Variants in IL1RAPL2 observed in about 807,000 individuals in gnomAD.
IL1RAPL2 encodes X-linked interleukin-1 receptor accessory protein-like 2.
In IL1RAPL2, 3 loss-of-function variants were observed where a neutral mutation model predicts 44.1. The ratio of observed to expected loss-of-function variants is 0.07; its 90% CI spans 0.03 to 0.18. The LOEUF (loss-of-function observed/expected upper bound fraction) is 0.18. Among genes scored for constraint, IL1RAPL2 ranks in the 10% least tolerant of loss-of-function variants. The pLI, the probability that IL1RAPL2 is intolerant of heterozygous loss-of-function variation, is 1.00. For synonymous variants in IL1RAPL2, 181 were observed against 178.8 expected (o/e 1.01, Z -0.10); for missense variants, 391 against 496.4 (o/e 0.79, Z 2.02).
intron 2 of IL1RAPL2, among the ~76,000 whole-genome samples, chrX:104,924,935 A>T (rs1368368455): frequency 1.8e-5 from 2 of 110,783 alleles, no homozygotes; most frequent in African/African-American, 6.6e-5. Flanking sequence ...GAAAAAACAA[A>T]ATTGATCCAC....
At chrX:104,627,643 G>T (rs945842670) in intron 1 of IL1RAPL2, among the ~76,000 whole-genome samples, 6 of 110,844 alleles carry the variant, frequency 5.4e-5, no homozygotes, top group African/African-American at 1.6e-4. Context: ...TTGTGAAAAA[G>T]GACCCCCTCC....
intron 5 of IL1RAPL2, among the ~76,000 whole-genome samples, chrX:105,414,344 T>A (rs909369368): frequency 9.0e-6 from 1 of 111,291 alleles, no homozygotes; most frequent in Middle Eastern, 4.7e-3. Context: ...GCCCGGCTGG[T>A]CTCACACTCC....
intron 2 of IL1RAPL2, among the ~76,000 whole-genome samples, chrX:104,992,087 A>C (rs937453363): frequency 1.6e-4 from 18 of 111,325 alleles, no homozygotes; most frequent in African/African-American, 4.9e-4. Flanking sequence ...AGTTTTGCTA[A>C]AAATGAGAGT....
intron 1 of IL1RAPL2, among the ~76,000 whole-genome samples, chrX:104,585,635 C>T (rs747764328): frequency 2.9e-5 from 3 of 101,737 alleles, no homozygotes; most frequent in Admixed American, 1.2e-4. Context: ...GTGTTGTTTC[C>T]CTCTATGTGA....
At chrX:104,653,613 G>T (rs1930194559) in intron 1 of IL1RAPL2, among the ~76,000 whole-genome samples, 1 of 111,108 alleles carries the variant, frequency 9.0e-6, no homozygotes, top group Non-Finnish European at 1.9e-5. Context: ...GGTTCATTGT[G>T]CTGGTGGCTT....
chrX:105,336,357 TCTATG>T (rs2035028541), intron 5 of IL1RAPL2, among the ~76,000 whole-genome samples: 1 of 112,600 alleles, frequency 8.9e-6, no homozygotes, highest in African/African-American at 3.2e-5. Flanking sequence ...GTTCTTGCCT[TCTATG>T]CTATGAATCC....
At chrX:104,913,253 C>A (rs973316349) in intron 2 of IL1RAPL2, among the ~76,000 whole-genome samples, 4 of 111,263 alleles carry the variant, frequency 3.6e-5, no homozygotes, top group African/African-American at 1.3e-4. Flanking sequence ...TAAAATAATT[C>A]TTGGAAGGTA....
chrX:105,319,792 C>T (rs2034883039), intron 5 of IL1RAPL2, among the ~76,000 whole-genome samples: 1 of 112,080 alleles, frequency 8.9e-6, no homozygotes, highest in Non-Finnish European at 1.9e-5. Flanking sequence ...ACGCTGTGCA[C>T]ACTCATACAC....
chrX:105,126,615 T>C (rs924256315), intron 2 of IL1RAPL2, among the ~76,000 whole-genome samples: 2 of 111,617 alleles, frequency 1.8e-5, no homozygotes, highest in East Asian at 5.6e-4. Flanking sequence ...AAATAAAATT[T>C]CCATTCAGCT....
intron 1 of IL1RAPL2, among the ~76,000 whole-genome samples, chrX:104,595,397 T>C (rs1186761863): frequency 9.0e-6 from 1 of 110,781 alleles, no homozygotes; most frequent in East Asian, 2.9e-4. Flanking sequence ...ATGACAAACA[T>C]GGTGGTGGCA....
intron 5 of IL1RAPL2, among the ~76,000 whole-genome samples, chrX:105,318,115 G>C (rs1208594511): frequency 9.1e-6 from 1 of 110,066 alleles, no homozygotes; most frequent in African/African-American, 3.3e-5. Context: ...TGGGACTACA[G>C]GCGCCCGCCA....
chrX:104,945,333 G>T (rs1437868165), intron 2 of IL1RAPL2, among the ~76,000 whole-genome samples: 1 of 110,881 alleles, frequency 9.0e-6, no homozygotes, highest in Non-Finnish European at 1.9e-5. Flanking sequence ...GTTTGAGAGT[G>T]TTCACGTTCA....
At position 104,723,252 on chromosome X, in the gene IL1RAPL2, C is replaced by T. The variant is rs182679516; in HGVS notation, c.82+64257C>T. Among the ~76,000 whole-genome samples the T allele has an allele frequency of 1.8e-3, 206 of 111,664 alleles. 4 individuals are homozygous for T. The highest frequency in any genetic ancestry group is 0.018 in the Admixed American group (187 of 10,472). On this transcript the variant is annotated intron_variant, in intron 2 of 10. Transcript: ENST00000372582. ...AGAACAAAGTTGAAGGGTGAAGTATCACCACTGATTGTAGAAAATATTTTT... is the reference window on the plus strand; with the variant it reads ...AGAACAAAGTTGAAGGGTGAAGTATTACCACTGATTGTAGAAAATATTTTT...
chrX:105,392,741 A>T (rs942097714), intron 5 of IL1RAPL2, among the ~76,000 whole-genome samples: 1 of 111,992 alleles, frequency 8.9e-6, no homozygotes, highest in South Asian at 3.7e-4. Flanking sequence ...AGGTATGGAG[A>T]TATATGTATA....
intron 2 of IL1RAPL2, among the ~76,000 whole-genome samples, chrX:104,932,070 C>T (rs1284723213): frequency 9.5e-6 from 1 of 104,814 alleles, no homozygotes. Context: ...CGGCTCACTG[C>T]AACCCCTGCC....
intron 2 of IL1RAPL2, among the ~76,000 whole-genome samples, chrX:105,129,256 T>A (rs372626746): frequency 2.7e-5 from 3 of 110,314 alleles, no homozygotes; most frequent in Non-Finnish European, 5.7e-5. Context: ...CTCAGCCTCA[T>A]AGAGGGAAAC....
intron 6 of IL1RAPL2, among the ~76,000 whole-genome samples, chrX:105,502,730 T>A (rs1417294796): frequency 9.2e-6 from 1 of 108,800 alleles, no homozygotes; most frequent in Non-Finnish European, 1.9e-5. Context: ...TTTTTTTTTT[T>A]GTTTGTTTGC....
chrX:104,593,704 TAC>T lies in IL1RAPL2; in HGVS notation c.-20+26655_-20+26656del, dbSNP rs1168926245. On this transcript the variant is annotated intron_variant, in intron 1 of 10. Transcript: ENST00000372582. ...TACCACACCCATTTTTGTTTTATGCTACAGTTATACCAAAAAAATTGAAATTT... is the reference window on the plus strand; with the variant it reads ...TACCACACCCATTTTTGTTTTATGCTAGTTATACCAAAAAAATTGAAATTT... 3.6e-5 allele frequency among the ~76,000 whole-genome samples: 4 copies of T among 112,300 alleles called. No individual in the cohort carries two copies. The Admixed American group carries it at 3.8e-4, about 11-fold the overall frequency.
intron 5 of IL1RAPL2, among the ~76,000 whole-genome samples, chrX:105,452,603 T>C (rs2036027148): frequency 8.9e-6 from 1 of 111,755 alleles, no homozygotes; most frequent in South Asian, 3.7e-4. Flanking sequence ...TTTGTACTTT[T>C]ATTGGGCTCT....
Sources: gnomAD v4.1 joint callset for allele counts (sites outside exome capture counted in the v4.1 genomes callset) on GRCh38, gnomAD v4.1.1 for gene constraint, MANE v1.5 for transcripts, NCBI Gene and HGNC (gene_info 2026-07-23, HGNC 2026-07-21) for gene names.